Variants in SPOCK3 observed in about 807,000 individuals in gnomAD.
The protein encoded by SPOCK3 is SPARC (osteonectin), cwcv and kazal like domains proteoglycan 3.
A neutral mutation model predicts 56.6 loss-of-function variants in SPOCK3; 30 were observed. The ratio of observed to expected loss-of-function variants is 0.53; its 90% confidence interval spans 0.40 to 0.72. The LOEUF is 0.72. Among genes scored for constraint, SPOCK3 ranks in the 30% least tolerant of loss-of-function variants. The probability of loss-of-function intolerance (pLI) is 0.00; values close to 1 mark genes in which losing one functional copy is unlikely to be tolerated. For synonymous variants in SPOCK3, 196 were observed against 183.3 expected (o/e 1.07, Z -0.56); for missense variants, 527 against 530.0 (o/e 0.99, Z 0.06).
chr4:166,808,446 TTCTCTCTC>T (rs149320907), intron 6 of SPOCK3, among the ~76,000 whole-genome samples: 7 of 147,082 alleles, frequency 4.8e-5, no homozygotes, highest in South Asian at 2.2e-4. Context: ...AAAGAAGAAA[TTCTCTCTC>T]TCTCTCTCTC....
At chr4:166,877,790 C>T (rs1251698613) in intron 6 of SPOCK3, among the ~76,000 whole-genome samples, 6 of 152,078 alleles carry the variant, frequency 3.9e-5, no homozygotes, top group Non-Finnish European at 7.4e-5. Flanking sequence ...TTACATTTAA[C>T]TGATGTTACT....
chr4:166,766,116 A>G (rs564723229), intron 7 of SPOCK3, among the ~76,000 whole-genome samples: 2 of 152,156 alleles, frequency 1.3e-5, no homozygotes, highest in Non-Finnish European at 2.9e-5. Context: ...CTAAATATAC[A>G]ATCATGTCAT....
intron 5 of SPOCK3, among the ~76,000 whole-genome samples, chr4:166,896,844 A>G (rs1219421560): frequency 6.6e-6 from 1 of 152,194 alleles, no homozygotes; most frequent in Non-Finnish European, 1.5e-5. Context: ...AACTTTTCCA[A>G]CTACATGGCC....
intron 2 of SPOCK3, among the ~76,000 whole-genome samples, chr4:167,142,662 G>A (rs1430516871): frequency 3.3e-5 from 5 of 151,876 alleles, no homozygotes; most frequent in Non-Finnish European, 5.9e-5. Context: ...TTTATTGGAA[G>A]GTGTGAGGAA....
At chr4:166,893,089 G>T (rs1734960980) in intron 5 of SPOCK3, among the ~76,000 whole-genome samples, 1 of 152,156 alleles carries the variant, frequency 6.6e-6, no homozygotes, top group Non-Finnish European at 1.5e-5. Context: ...GAGAGTGATT[G>T]TTTGGGCATC....
At chr4:167,079,936 TA>T (rs1177128942) in intron 2 of SPOCK3, among the ~76,000 whole-genome samples, 2 of 151,948 alleles carry the variant, frequency 1.3e-5, no homozygotes, top group African/African-American at 4.8e-5. Flanking sequence ...ATATGTGCTA[TA>T]AAGATAAAAG....
intron 2 of SPOCK3, among the ~76,000 whole-genome samples, chr4:167,211,501 T>C (rs1424479515): frequency 2.6e-5 from 4 of 152,108 alleles, no homozygotes; most frequent in Non-Finnish European, 4.4e-5. Context: ...TGAATTCCCA[T>C]GTGATGTGGG....
At chr4:167,026,275 C>G (rs907419080) in intron 3 of SPOCK3, among the ~76,000 whole-genome samples, 1 of 151,990 alleles carries the variant, frequency 6.6e-6, no homozygotes, top group Non-Finnish European at 1.5e-5. Flanking sequence ...TTATGTAATT[C>G]AATAAAACTT....
chr4:166,834,306 T>A (rs563924655), intron 6 of SPOCK3, among the ~76,000 whole-genome samples: 2 of 152,336 alleles, frequency 1.3e-5, no homozygotes, highest in East Asian at 3.9e-4. Context: ...CAGCTTCTGA[T>A]CGCTCATAGG....
At chr4:166,977,963 T>C (rs977767381) in intron 4 of SPOCK3, among the ~76,000 whole-genome samples, 9 of 152,170 alleles carry the variant, frequency 5.9e-5, no homozygotes, top group Non-Finnish European at 1.3e-4. Flanking sequence ...AGTCTAGCCA[T>C]GATTCAAAGT....
At chr4:167,048,242 T>C (rs1753895263) in intron 3 of SPOCK3, among the ~76,000 whole-genome samples, 1 of 151,920 alleles carries the variant, frequency 6.6e-6, no homozygotes, top group African/African-American at 2.4e-5. Context: ...GTTCAACTCA[T>C]CATCTTTCTA....
intron 3 of SPOCK3, among the ~76,000 whole-genome samples, chr4:167,028,224 A>T (rs1325044198): frequency 6.8e-6 from 1 of 147,204 alleles, no homozygotes; most frequent in Non-Finnish European, 1.5e-5. Flanking sequence ...CTGTCTTTAC[A>T]TTTTTTTTTT....
intron 2 of SPOCK3, among the ~76,000 whole-genome samples, chr4:167,093,004 G>A (rs530432127): frequency 1.3e-5 from 2 of 152,108 alleles, no homozygotes; most frequent in Non-Finnish European, 2.9e-5. Flanking sequence ...TAATGAAAAT[G>A]ATAGAGAAAT....
intron 5 of SPOCK3, among the ~76,000 whole-genome samples, chr4:166,902,546 G>A (rs1035460885): frequency 4.1e-4 from 62 of 151,272 alleles, no homozygotes; most frequent in African/African-American, 1.4e-3. Flanking sequence ...ACCTTTTTGG[G>A]TTATTTTTCA....
intron 3 of SPOCK3, among the ~76,000 whole-genome samples, chr4:167,022,056 G>C (rs1311749841): frequency 6.6e-6 from 1 of 151,920 alleles, no homozygotes; most frequent in East Asian, 1.9e-4. Context: ...AAGTTTCTAG[G>C]AACTCTGTTA....
chr4:167,161,162 T>C (rs534391004), intron 2 of SPOCK3, among the ~76,000 whole-genome samples: 56 of 152,162 alleles, frequency 3.7e-4, no homozygotes, highest in African/African-American at 1.2e-3. Context: ...AGGGCTAATA[T>C]CCCGAATCTA....
intron 2 of SPOCK3, among the ~76,000 whole-genome samples, chr4:167,214,033 G>A (rs1735131035): frequency 6.6e-6 from 1 of 152,140 alleles, no homozygotes; most frequent in African/African-American, 2.4e-5. Flanking sequence ...TGGAGTACAT[G>A]ATTTGATACC....
intron 3 of SPOCK3, among the ~76,000 whole-genome samples, chr4:167,058,354 T>A (rs955497062): frequency 6.6e-6 from 1 of 152,192 alleles, no homozygotes; most frequent in East Asian, 1.9e-4. Flanking sequence ...TTTACACCAA[T>A]AACAGGCAAA....
intron 3 of SPOCK3, among the ~76,000 whole-genome samples, chr4:167,001,943 T>C (rs1748990479): frequency 6.7e-6 from 1 of 149,968 alleles, no homozygotes; most frequent in Non-Finnish European, 1.5e-5. Flanking sequence ...AATCAATGCA[T>C]TTTATTTATT....
Sources: allele counts gnomAD v4.1 joint callset (sites outside exome capture counted in the v4.1 genomes callset), GRCh38; gene constraint gnomAD v4.1.1; transcripts MANE v1.5; gene names NCBI Gene and HGNC (gene_info 2026-07-23, HGNC 2026-07-21).